UNC13C: variants seen among roughly 807,000 people sequenced by gnomAD.
UNC13C encodes unc-13 homolog C, also known as protein unc-13 homolog C.
Under a neutral mutation model 245.4 loss-of-function variants are expected in UNC13C, and 174 were observed. That is an observed-to-expected ratio of 0.71 (90% CI 0.63 to 0.80). The LOEUF is 0.80. Among genes scored for constraint, UNC13C ranks in the 30% least tolerant of loss-of-function variants. The pLI, the probability that UNC13C is intolerant of heterozygous loss-of-function variation, is 0.00. For synonymous variants in UNC13C, 992 were observed against 895.1 expected, an observed-to-expected ratio of 1.11 and a Z score of -1.93; for missense variants, 2,829 against 2,602.9, an observed-to-expected ratio of 1.09 and a Z score of -1.89.
chr15:54,234,987 T>G (rs767616674), intron 4 of UNC13C, 43 bp from the exon 5 acceptor site: 1 of 1,557,554 alleles, frequency 6.4e-7, no homozygotes, highest in Admixed American at 1.7e-5. Flanking sequence ...TTACAAGAAG[T>G]CATTTTACCC....
chr15:54,630,195 C>T (rs1318072021), downstream of UNC13C: 1 of 152,140 alleles, frequency 6.6e-6, no homozygotes, highest in Non-Finnish European at 1.5e-5. Context: ...TCAAATTTAG[C>T]AAACACAAAG....
At chr15:53,895,118 C>A in the UNC13C span, among the ~76,000 whole-genome samples, 1 of 151,924 alleles carries the variant, frequency 6.6e-6, no homozygotes, top group East Asian at 1.9e-4. Context: ...AATCCCAACA[C>A]TTTGGGAGAC....
At chr15:54,205,234 C>T (rs1353589403) in intron 4 of UNC13C, among the ~76,000 whole-genome samples, 1 of 151,820 alleles carries the variant, frequency 6.6e-6, no homozygotes, top group East Asian at 1.9e-4. Context: ...CACTCCTCTC[C>T]CATTTGTTAT....
At chr15:54,330,953 A>T (rs1025635710) in intron 14 of UNC13C, among the ~76,000 whole-genome samples, 1 of 152,002 alleles carries the variant, frequency 6.6e-6, no homozygotes. Context: ...TCTTATACTG[A>T]TGTATAAATC....
chr15:54,616,930 A>G (rs912700077), intron 30 of UNC13C, among the ~76,000 whole-genome samples: 2 of 151,964 alleles, frequency 1.3e-5, no homozygotes, highest in African/African-American at 4.8e-5. Context: ...TATCTTCTCT[A>G]TGTTTAGCTA....
intron 10 of UNC13C, among the ~76,000 whole-genome samples, chr15:54,285,772 TATATTTTG>T (rs1469488672): frequency 2.6e-5 from 4 of 152,182 alleles, no homozygotes; most frequent in African/African-American, 9.6e-5. Flanking sequence ...TTCTATCACC[TATATTTTG>T]ATATTTTGAT....
At chr15:54,282,088 C>T (rs2037012047) in intron 10 of UNC13C, among the ~76,000 whole-genome samples, 2 of 152,052 alleles carry the variant, frequency 1.3e-5, no homozygotes, top group South Asian at 2.1e-4. Context: ...ATTGACTCTA[C>T]TTTTAGGTAT....
At chr15:54,116,506 T>C (rs1274460996) in intron 2 of UNC13C, among the ~76,000 whole-genome samples, 1 of 152,150 alleles carries the variant, frequency 6.6e-6, no homozygotes, top group Non-Finnish European at 1.5e-5. Context: ...TTAGCTCTCA[T>C]AGATGAGTGA....
intron 4 of UNC13C, among the ~76,000 whole-genome samples, chr15:54,170,353 GCACA>G (rs1277441699): frequency 6.6e-6 from 1 of 152,044 alleles, no homozygotes; most frequent in Admixed American, 6.5e-5. Context: ...TTAGCGTATA[GCACA>G]CAGGTGATTA....
intron 13 of UNC13C, chr15:54,320,761 C>T: frequency 2.5e-6 from 1 of 394,986 alleles, no homozygotes; most frequent in Non-Finnish European, 4.9e-6. Flanking sequence ...ACTGCTGCTA[C>T]TGGAACCACC....
chr15:54,068,315 A>C (rs1382697530), intron 2 of UNC13C, among the ~76,000 whole-genome samples: 1 of 152,198 alleles, frequency 6.6e-6, no homozygotes, highest in African/African-American at 2.4e-5. Context: ...AGTGTTTGCC[A>C]TTATAGAGGT....
intron 10 of UNC13C, among the ~76,000 whole-genome samples, chr15:54,269,195 ACTTT>A (rs1387208228): frequency 1.3e-5 from 2 of 152,052 alleles, no homozygotes; most frequent in African/African-American, 2.4e-5. Context: ...CATAGGGCTC[ACTTT>A]CTTTCTTTCT....
intron 2 of UNC13C, among the ~76,000 whole-genome samples, chr15:54,075,483 C>T (rs1261015975): frequency 1.5e-4 from 19 of 123,758 alleles, no homozygotes; most frequent in African/African-American, 6.8e-4. Context: ...TGCAGTGAGC[C>T]GGAGCTTGCA....
chr15:54,273,964 A>G (rs1385125944), intron 10 of UNC13C, among the ~76,000 whole-genome samples: 2 of 152,160 alleles, frequency 1.3e-5, no homozygotes, highest in Non-Finnish European at 2.9e-5. Flanking sequence ...ATCCGCCCCA[A>G]CACTCTGTAG....
the UNC13C span, among the ~76,000 whole-genome samples, chr15:53,852,307 G>A: frequency 6.6e-6 from 1 of 152,134 alleles, no homozygotes; most frequent in Non-Finnish European, 1.5e-5. Flanking sequence ...ACTTTTGAGT[G>A]TGTTTGACAT....
At chr15:54,216,845 C>A (rs1475633493) in intron 4 of UNC13C, among the ~76,000 whole-genome samples, 1 of 151,954 alleles carries the variant, frequency 6.6e-6, no homozygotes, top group African/African-American at 2.4e-5. Context: ...GATCTCTGAA[C>A]TTAAGCCAGT....
intron 2 of UNC13C, among the ~76,000 whole-genome samples, chr15:54,132,554 C>G (rs2031494677): frequency 6.6e-6 from 1 of 152,166 alleles, no homozygotes. Flanking sequence ...TAATAATTCA[C>G]AAGACAGTTT....
the UNC13C span, among the ~76,000 whole-genome samples, chr15:53,864,816 T>C: frequency 6.6e-6 from 1 of 152,208 alleles, no homozygotes; most frequent in Non-Finnish European, 1.5e-5. Flanking sequence ...GAAGTATTCA[T>C]TTCAGAAAGC....
At chr15:54,592,863 G>GTTTTTTTTTTTTTTTTTTT (rs56152927) in intron 30 of UNC13C, among the ~76,000 whole-genome samples, 1 of 134,144 alleles carries the variant, frequency 7.5e-6, no homozygotes, top group Non-Finnish European at 1.6e-5. Context: ...TTTGTTTTTT[G>GTTTTTTTTTTTTTTTTTTT]TTTTTTTTTT....
Sources: gnomAD v4.1 joint callset for allele counts (sites outside exome capture counted in the v4.1 genomes callset) on GRCh38, gnomAD v4.1.1 for gene constraint, MANE v1.5 for transcripts, NCBI Gene and HGNC (gene_info 2026-07-23, HGNC 2026-07-21) for gene names.